Variants in GNB1 observed in about 807,000 individuals in gnomAD.
GNB1 encodes G protein subunit beta 1, also known as guanine nucleotide-binding protein G(I)/G(S)/G(T) subunit beta-1.
In GNB1, 2 loss-of-function variants were observed where a neutral mutation model predicts 42.9. The ratio of observed to expected loss-of-function variants is 0.05; its 90% CI spans 0.02 to 0.15. The LOEUF is 0.15. GNB1 is among the 10% of genes least tolerant of loss of function. GNB1 has a pLI of 1.00. For missense variants in GNB1, 193 were observed against 462.2 expected (o/e 0.42, Z 5.34); for synonymous variants, 183 against 174.7 (o/e 1.05, Z -0.38).
chr1:1,806,339 C>A, intron 6 of GNB1, 136 bp downstream of exon 6: 1 of 593,266 alleles, frequency 1.7e-6, no homozygotes. Context: ...ACCTGCGCAA[C>A]TTCACTACTA....
chr1:1,867,879 T>C (rs576153795), intron 1 of GNB1, among the ~76,000 whole-genome samples: 221 of 152,308 alleles, frequency 1.5e-3, no homozygotes, highest in Non-Finnish European at 2.7e-3. Context: ...TCCCAACTGA[T>C]TGTAAATGCT....
intron 7 of GNB1, among the ~76,000 whole-genome samples, chr1:1,795,517 G>A (rs566454503): frequency 6.6e-6 from 1 of 152,238 alleles, no homozygotes; most frequent in South Asian, 2.1e-4. Flanking sequence ...TGTAATCCCA[G>A]CACTTGGGGA....
rs1646466236 is a variant in GNB1, at chr1:1,790,388, G to C, written c.699+7C>G. 1 of 1,603,938 alleles carries C rather than the reference G, an allele frequency of 6.2e-7. No homozygotes were observed. Among genetic ancestry groups the C allele is most frequent in the Non-Finnish European group, 8.5e-7 (1 of 1,170,728 alleles). On this transcript the variant is annotated splice_region_variant and intron_variant, in intron 9 of 11. Coordinates refer to ENST00000378609, the MANE Select transcript of GNB1 (RefSeq NM_002074.5). The surrounding 1 kb of genome is among the most constrained non-coding windows in gnomAD (Gnocchi z 5.4). Reference sequence around the variant, plus strand: ...GGACCCGACCCCACACCTCCACCCAGACTCACGCAAATGGCATTGATGTCA... The same window carrying C: ...GGACCCGACCCCACACCTCCACCCACACTCACGCAAATGGCATTGATGTCA...
chr1:1,852,232 T>C (rs1017207981), intron 1 of GNB1, among the ~76,000 whole-genome samples: 3 of 151,648 alleles, frequency 2.0e-5, no homozygotes, highest in African/African-American at 7.3e-5. Flanking sequence ...AGATCCTGCC[T>C]CTCAAATTTT....
chr1:1,851,524 A>T (rs953471282), intron 1 of GNB1, among the ~76,000 whole-genome samples: 2 of 152,000 alleles, frequency 1.3e-5, no homozygotes, highest in Admixed American at 6.6e-5. Context: ...ACTGCACTCC[A>T]GCCTGGGCGA....
chr1:1,802,763 TAAA>T (rs374872245), intron 7 of GNB1, among the ~76,000 whole-genome samples: 3 of 137,588 alleles, frequency 2.2e-5, no homozygotes, highest in Admixed American at 7.4e-5. Context: ...GACTCCATCT[TAAA>T]AAAAAAAAAA....
At chr1:1,861,272 C>T (rs1648612059) in intron 1 of GNB1, among the ~76,000 whole-genome samples, 1 of 152,052 alleles carries the variant, frequency 6.6e-6, no homozygotes, top group African/African-American at 2.4e-5. Flanking sequence ...GTCTGGGCAA[C>T]ATAAAGAGTC....
chr1:1,826,216 A>G (rs1239321889), intron 2 of GNB1, among the ~76,000 whole-genome samples: 2 of 152,184 alleles, frequency 1.3e-5, no homozygotes, highest in Admixed American at 1.3e-4. Context: ...CAGGAGTTCA[A>G]GACCAGCCTG....
chr1:1,885,800 C>T (rs1380371281), intron 1 of GNB1, among the ~76,000 whole-genome samples: 30 of 150,050 alleles, frequency 2.0e-4, no homozygotes, highest in African/African-American at 7.1e-4. Flanking sequence ...CCTCGTGATC[C>T]GCCCACGTCG....
chr1:1,806,373 C>T, intron 6 of GNB1, 102 bp downstream of exon 6: 2 of 695,764 alleles, frequency 2.9e-6, no homozygotes, highest in South Asian at 3.7e-5. Flanking sequence ...GCCGCTGCTG[C>T]CTTCCCTATC....
chr1:1,825,575 A>T (rs1646986976), intron 2 of GNB1, 76 bp from the exon 3 acceptor site: 1 of 852,154 alleles, frequency 1.2e-6, no homozygotes, highest in African/African-American at 1.7e-5. Context: ...AAGTAAATTG[A>T]AAGTTTAAGG....
At chr1:1,842,347 A>T (rs762898962) in intron 1 of GNB1, among the ~76,000 whole-genome samples, 5 of 151,872 alleles carry the variant, frequency 3.3e-5, no homozygotes. Flanking sequence ...GGAGAATGCC[A>T]TGAACCCAGG....
chr1:1,805,577 G>A (rs1234773035), intron 6 of GNB1, among the ~76,000 whole-genome samples: 1 of 151,856 alleles, frequency 6.6e-6, no homozygotes, highest in African/African-American at 2.4e-5. Context: ...TTTCGCTCTT[G>A]TTGCCCAGGT....
At chr1:1,793,163 C>G in intron 8 of GNB1, 82 bp downstream of exon 8, 1 of 801,204 alleles carries the variant, frequency 1.2e-6, no homozygotes, top group South Asian at 1.6e-5. Context: ...TGTCAAGAAC[C>G]TTATTTCCTC....
intron 7 of GNB1, among the ~76,000 whole-genome samples, chr1:1,796,743 C>T (rs553511716): frequency 6.6e-6 from 1 of 152,266 alleles, no homozygotes; most frequent in Admixed American, 6.5e-5. Context: ...AAAGGTGGCA[C>T]CAAGTGCCTC....
At chr1:1,890,301 C>T (rs1650411666) in intron 1 of GNB1, 2 of 151,464 alleles carry the variant, frequency 1.3e-5, no homozygotes, top group Non-Finnish European at 2.9e-5. Flanking sequence ...GGCCCGGCTT[C>T]CCCATTTCAT....
intron 1 of GNB1, among the ~76,000 whole-genome samples, chr1:1,866,027 C>T (rs1648921464): frequency 6.6e-6 from 1 of 152,124 alleles, no homozygotes; most frequent in Admixed American, 6.5e-5. Flanking sequence ...CAACTTCCGC[C>T]TCCGAGGTTC....
intron 8 of GNB1, among the ~76,000 whole-genome samples, chr1:1,791,537 C>T (rs1387306636): frequency 6.6e-6 from 1 of 152,222 alleles, no homozygotes; most frequent in Non-Finnish European, 1.5e-5. Flanking sequence ...GCTGACAGAG[C>T]CCTGCACAGA....
chr1:1,810,014 G>T (rs1415966398), intron 5 of GNB1, among the ~76,000 whole-genome samples: 1 of 151,988 alleles, frequency 6.6e-6, no homozygotes. Flanking sequence ...AAGAGGATTG[G>T]TTAAGTCCAG....
Sources: gnomAD v4.1 joint callset for allele counts (sites outside exome capture counted in the v4.1 genomes callset) on GRCh38, gnomAD v4.1.1 for gene constraint, Gnocchi (gnomAD v3.1) non-coding constraint, MANE v1.5 for transcripts, NCBI Gene and HGNC (gene_info 2026-07-23, HGNC 2026-07-21) for gene names.